COL1A2: variants seen among roughly 807,000 people sequenced by gnomAD.
COL1A2 encodes collagen alpha-2(I) chain.
In COL1A2, 49 loss-of-function variants were observed where a neutral mutation model predicts 174.3. The ratio of observed to expected loss-of-function variants is 0.28; its 90% CI spans 0.22 to 0.36. The LOEUF (loss-of-function observed/expected upper bound fraction) is 0.36, where lower values mean the gene tolerates loss of function less well. COL1A2 is among the 10% of genes least tolerant of loss of function. COL1A2 has a pLI of 1.00. For missense variants in COL1A2, 1,438 were observed against 1,822.7 expected, an observed-to-expected ratio of 0.79 and a Z score of 3.84; for synonymous variants, 655 against 606.6, an observed-to-expected ratio of 1.08 and a Z score of -1.17.
rs900363840 is a variant in COL1A2, at chr7:94,412,826, A to G, written c.1503+144A>G. On this transcript the variant is annotated intron_variant, in intron 25 of 51. Coordinates refer to ENST00000297268, the MANE Select transcript of COL1A2 (RefSeq NM_000089.4). The stretch of plus-strand genomic sequence containing the variant: ...AAACTGCAGGCCACTTATCACATTA[A>G]AAGTTTACCTCTAGTGTATCCTTAT... The G allele has an allele frequency of 3.1e-5, 25 of 805,704 alleles. No individual in the cohort carries two copies. The Admixed American group carries it at 4.9e-4, about 16-fold the overall frequency. 49.9% of individuals were successfully genotyped at this position (805,704 alleles called of 1,614,324 possible).
intron 22 of COL1A2, 55 bp downstream of exon 22, chr7:94,410,997 G>A (rs935007179): frequency 5.0e-5 from 81 of 1,608,974 alleles, no homozygotes; most frequent in Non-Finnish European, 4.8e-5. Context: ...CTGGTGGTGG[G>A]TGTGTCATTA....
intron 5 of COL1A2, among the ~76,000 whole-genome samples, chr7:94,400,984 G>C (rs1396881954): frequency 6.6e-6 from 1 of 152,152 alleles, no homozygotes; most frequent in Admixed American, 6.5e-5. Context: ...CTTTAATAGA[G>C]CTACCACTAT....
intron 31 of COL1A2, chr7:94,417,424 T>C: frequency 2.5e-6 from 1 of 405,368 alleles, no homozygotes; most frequent in Non-Finnish European, 4.6e-6. Context: ...CATTTTTTAC[T>C]CTCTGCTTCC....
intron 33 of COL1A2, among the ~76,000 whole-genome samples, chr7:94,418,798 C>A (rs1037557488): frequency 2.0e-4 from 30 of 151,732 alleles, no homozygotes; most frequent in Non-Finnish European, 1.0e-4. Flanking sequence ...GTCAATGATA[C>A]CAACTACAAA....
At chr7:94,427,120 A>C in intron 47 of COL1A2, 59 bp downstream of exon 47, 1 of 1,604,904 alleles carries the variant, frequency 6.2e-7, no homozygotes, top group African/African-American at 1.3e-5. Flanking sequence ...GCGAGCAGTG[A>C]GCCCCAGGCT....
At chr7:94,419,457 C>A in intron 33 of COL1A2, 41 bp from the exon 34 acceptor site, 2 of 1,599,704 alleles carry the variant, frequency 1.3e-6, no homozygotes, top group Non-Finnish European at 1.7e-6. Flanking sequence ...TTTGATGATA[C>A]GGGGTGTTAT....
intron 44 of COL1A2, 51 bp downstream of exon 44, chr7:94,425,908 T>C (rs371969315): frequency 1.6e-4 from 258 of 1,605,938 alleles, no homozygotes; most frequent in Middle Eastern, 1.2e-3. Flanking sequence ...TGGGCTTCAC[T>C]TCTGACTTCC....
At chr7:94,428,530 C>T (rs1352063388) in intron 50 of COL1A2, 53 bp downstream of exon 50, 1 of 1,511,914 alleles carries the variant, frequency 6.6e-7, no homozygotes, top group African/African-American at 1.4e-5. Context: ...TTTGGTAGGA[C>T]TGTTTGTTAA....
At position 94,408,375 on chromosome 7, in the gene COL1A2, C is replaced by T; in HGVS notation, c.733C>T (p.Pro245Ser). The change falls in exon 15 of 52, where the codon CCT (proline) becomes TCT (serine). Residue 245 changes from proline (P) to serine (S), a missense_variant. Physicochemically the swap from Pro to Ser is moderately conservative, Grantham distance 74 (BLOSUM62 -1). Around this residue, in one of 3 missense-constraint regions of COL1A2, gnomAD observed 867 missense variants for 1,213.7 expected, o/e 0.71. Transcript: ENST00000297268. ...GSDGSVGPVG[P>S]AGPIGSAGPP... The stretch of plus-strand genomic sequence containing the variant: ...TGATGGAAGTGTGGGTCCCGTGGGT[C>T]CTGCTGTAAGTTTTGACACTGGGGA... The T allele has an allele frequency of 6.2e-7, 1 of 1,614,060 alleles. No homozygotes were observed. The highest frequency in any genetic ancestry group is 8.5e-7 in the Non-Finnish European group (1 of 1,180,006).
chr7:94,419,855 C>CA (rs1792118270), intron 34 of COL1A2, among the ~76,000 whole-genome samples: 2 of 152,106 alleles, frequency 1.3e-5, no homozygotes, highest in Non-Finnish European at 2.9e-5. Flanking sequence ...CAATTATTAC[C>CA]AAAAAATCAA....
Position 94,398,406 on chromosome 7 carries a change from C to T in COL1A2, c.96+10C>T, listed in dbSNP as rs185341110. 438 of 940,144 alleles carry T rather than the reference C, an allele frequency of 4.7e-4. 4 individuals are homozygous for T. The African/African-American group carries it at 6.6e-3, about 14-fold the overall frequency. The allele number at this position is 940,144 out of a possible 1,614,324, so 58.2% of individuals were successfully genotyped here. On this transcript the variant is annotated intron_variant, in intron 3 of 51. Coordinates refer to ENST00000297268, the MANE Select transcript of COL1A2 (RefSeq NM_000089.4). The stretch of plus-strand genomic sequence containing the variant: ...GGAAACTGTAAGAAAGGTAAGAGTA[C>T]ACTACTTCTCCATAAATATCTAAAA...
chr7:94,428,528 G>T (rs1362063604), intron 50 of COL1A2, 51 bp downstream of exon 50: 3 of 1,525,052 alleles, frequency 2.0e-6, no homozygotes, highest in Non-Finnish European at 2.7e-6. Context: ...ATTTTGGTAG[G>T]ACTGTTTGTT....
At chr7:94,399,138 G>A (rs2115856659) in intron 4 of COL1A2, 54 bp downstream of exon 4, 3 of 1,527,844 alleles carry the variant, frequency 2.0e-6, no homozygotes, top group Middle Eastern at 1.7e-4. Flanking sequence ...ATAACTATAT[G>A]TTAGAAACTA....
At position 94,423,240 on chromosome 7, in the gene COL1A2, G is replaced by A. The variant is rs1479347753; in HGVS notation, c.2565+122G>A. The A allele has an allele frequency of 3.4e-6, 4 of 1,191,242 alleles. No homozygotes were observed. The Admixed American group carries it at 5.7e-5, about 17-fold the overall frequency. The allele number at this position is 1,191,242 out of a possible 1,614,324, so 73.8% of individuals were successfully genotyped here. A position where few individuals can be genotyped will look rare whatever the true frequency, so the allele number is the denominator to read the frequency against. ...ATTGCAGGCTCTCAAGTAGAGCTCA[G>A]TTGAGCCAGGAAATCTGTCCAGCAC... On this transcript the variant is annotated intron_variant, in intron 40 of 51. Transcript: ENST00000297268.
chr7:94,400,244 C>T lies in COL1A2; in HGVS notation c.181C>T (p.Pro61Ser). Reference sequence around the variant, plus strand: ...AGATGGTGAAGATGGTCCCACAGGCCCTCCTGGTCCACCTGGTCCTCCTGG... The same window carrying T: ...AGATGGTGAAGATGGTCCCACAGGCTCTCCTGGTCCACCTGGTCCTCCTGG... ...GRDGEDGPTG[P>S]PGPPGPPGPP... Residue 61 changes from proline to serine, a missense_variant, in exon 5 of 52, where the codon CCT (proline) becomes TCT (serine). Around this residue, in one of 3 missense-constraint regions of COL1A2, gnomAD observed 281 missense variants for 310.9 expected, o/e 0.90. Coordinates refer to ENST00000297268, the MANE Select transcript of COL1A2 (RefSeq NM_000089.4). 6.2e-7 allele frequency: 1 copy of T among 1,612,652 alleles called. No homozygotes were observed. Among genetic ancestry groups the T allele is most frequent in the South Asian group, 1.1e-5 (1 of 91,030 alleles).
rs1409541731 is a variant in COL1A2 at position 94,411,115 on chromosome 7, T to G, written c.1311T>G (p.Asp437Glu). Reference protein sequence around the residue: ...GPAGVRGPNGDAGRPGEPGLM... With the variant: ...GPAGVRGPNGEAGRPGEPGLM... Reference sequence around the variant, plus strand: ...CTGGAGTCCGAGGACCTAATGGAGATGCTGGTCGCCCTGGGGAGCCTGGTC... The same window carrying G: ...CTGGAGTCCGAGGACCTAATGGAGAGGCTGGTCGCCCTGGGGAGCCTGGTC... Residue 437 changes from aspartate to glutamate, a missense_variant, in exon 23 of 52, where the codon GAT (aspartate) becomes GAG (glutamate). Physicochemically the swap from Asp to Glu is conservative, Grantham distance 45. Coordinates refer to ENST00000297268, the MANE Select transcript of COL1A2 (RefSeq NM_000089.4). 6.2e-7 allele frequency: 1 copy of G among 1,603,508 alleles called. No homozygotes were observed. Among genetic ancestry groups the G allele is most frequent in the Non-Finnish European group, 8.5e-7 (1 of 1,174,708 alleles).
chr7:94,407,861 C>A lies in COL1A2; in HGVS notation c.609C>A (p.Ala203=). 1.9e-6 allele frequency: 3 copies of A among 1,613,862 alleles called. No individual in the cohort carries two copies. The highest frequency in any genetic ancestry group is 2.5e-6 in the Non-Finnish European group (3 of 1,179,888). ...TCTCCATGTAGGGTGAACCTGGTGC[C>A]CCTGGTGAAAATGGAACTCCAGGTC... is the stretch of plus-strand genomic sequence containing the variant. ...GAPGVKGEPG[A]PGENGTPGQT... is the part of the protein sequence containing the mutation. The change falls in exon 13 of 52, where the codon GCC becomes GCA. Residue 203 remains alanine (A), a synonymous_variant. Transcript: ENST00000297268.
chr7:94,412,706 A>G (rs1791954451), intron 25 of COL1A2, 24 bp downstream of exon 25: 1 of 1,602,890 alleles, frequency 6.2e-7, no homozygotes, highest in South Asian at 1.1e-5. Flanking sequence ...CAACTTTCTT[A>G]CCCTCAGCAC....
intron 1 of COL1A2, chr7:94,395,391 T>C: frequency 2.4e-6 from 1 of 416,534 alleles, no homozygotes; most frequent in South Asian, 2.1e-5. Context: ...CGGAAGGTCT[T>C]TTTCCCTAAG....
Sources: gnomAD v4.1 joint callset for allele counts (sites outside exome capture counted in the v4.1 genomes callset) on GRCh38, gnomAD v4.1.1 for gene constraint, gnomAD v4.1.1 regional missense constraint, MANE v1.5 for transcripts, NCBI Gene and HGNC (gene_info 2026-07-23, HGNC 2026-07-21) for gene names.